SAMMSON: variants seen among roughly 807,000 people sequenced by gnomAD.
SAMMSON encodes long intergenic non-protein coding RNA 1212.
chr3:70,007,064 T>A, intron 1 of SAMMSON, among the ~76,000 whole-genome samples: 1 of 152,092 alleles, frequency 6.6e-6, no homozygotes, highest in East Asian at 1.9e-4. Flanking sequence ...ACGTTTGGGT[T>A]GGTTCCAAGT....
chr3:70,416,474 G>A (rs1293354860), intron 2 of SAMMSON, among the ~76,000 whole-genome samples: 1 of 152,132 alleles, frequency 6.6e-6, no homozygotes. Context: ...TATCTTAGCA[G>A]TGTATTACTC....
intron 6 of SAMMSON, chr3:70,283,526 T>G (rs1007175924): frequency 2.0e-5 from 3 of 152,104 alleles, no homozygotes; most frequent in African/African-American, 7.2e-5. Flanking sequence ...TAGACAGAAC[T>G]GGGTTGAAAT....
intron 6 of SAMMSON, among the ~76,000 whole-genome samples, chr3:70,267,569 ATT>A (rs147286000): frequency 9.8e-5 from 3 of 30,732 alleles, no homozygotes; most frequent in Non-Finnish European, 2.4e-4. Flanking sequence ...TGCCCGGCTA[ATT>A]TTTTGTATTT....
chr3:70,324,419 C>G (rs1702563747), intron 7 of SAMMSON, among the ~76,000 whole-genome samples: 2 of 151,484 alleles, frequency 1.3e-5, no homozygotes, highest in African/African-American at 4.9e-5. Context: ...GTTTGTCATT[C>G]TAGTCATAGG....
At chr3:70,006,442 G>A (rs1424444634) in intron 1 of SAMMSON, among the ~76,000 whole-genome samples, 1 of 152,094 alleles carries the variant, frequency 6.6e-6, no homozygotes. Flanking sequence ...TGGCGAAGCT[G>A]GATACAAAGA....
chr3:70,016,718 A>C (rs2066987498), intron 3 of SAMMSON, among the ~76,000 whole-genome samples: 2 of 152,264 alleles, frequency 1.3e-5, no homozygotes, highest in South Asian at 4.1e-4. Flanking sequence ...TTATGGTTTT[A>C]GGTCTAACAT....
intron 2 of SAMMSON, among the ~76,000 whole-genome samples, chr3:70,431,785 T>A (rs765517338): frequency 6.6e-6 from 1 of 152,030 alleles, no homozygotes; most frequent in Non-Finnish European, 1.5e-5. Context: ...CTAATTTCTA[T>A]CACAATGGAT....
intron 4 of SAMMSON, among the ~76,000 whole-genome samples, chr3:70,140,863 C>A (rs990739713): frequency 6.6e-6 from 1 of 152,100 alleles, no homozygotes; most frequent in Non-Finnish European, 1.5e-5. Context: ...ATCAGAATAG[C>A]CTTTATTGTC....
intron 3 of SAMMSON, among the ~76,000 whole-genome samples, chr3:70,051,233 T>A (rs911059006): frequency 6.6e-6 from 1 of 150,554 alleles, no homozygotes; most frequent in Admixed American, 6.6e-5. Context: ...GAATTTGGCT[T>A]TTCAAGAAAA....
intron 7 of SAMMSON, among the ~76,000 whole-genome samples, chr3:70,308,131 A>C (rs1702420244): frequency 6.6e-6 from 1 of 152,176 alleles, no homozygotes; most frequent in South Asian, 2.1e-4. Flanking sequence ...AGCTCACTGC[A>C]GCCTCAACCT....
chr3:70,121,075 TCA>T (rs1398867422), intron 4 of SAMMSON, among the ~76,000 whole-genome samples: 7 of 152,226 alleles, frequency 4.6e-5, no homozygotes, highest in African/African-American at 1.7e-4. Flanking sequence ...CATTAGATTC[TCA>T]CAAGGAGCAC....
At chr3:70,264,768 T>C (rs971886324) in intron 6 of SAMMSON, among the ~76,000 whole-genome samples, 1 of 152,188 alleles carries the variant, frequency 6.6e-6, no homozygotes, top group African/African-American at 2.4e-5. Context: ...ATGAATCTCA[T>C]GATAGGGAAA....
At chr3:70,042,951 G>A (rs2067111326) in intron 3 of SAMMSON, among the ~76,000 whole-genome samples, 1 of 152,076 alleles carries the variant, frequency 6.6e-6, no homozygotes, top group African/African-American at 2.4e-5. Context: ...AATATAAACT[G>A]TACTCAATAG....
chr3:70,125,605 T>C, intron 4 of SAMMSON: 1 of 699,710 alleles, frequency 1.4e-6, no homozygotes, highest in Non-Finnish European at 2.6e-6. Flanking sequence ...TTGTTTCTTC[T>C]CTAAATCTTT....
intron 4 of SAMMSON, chr3:70,125,562 T>C (rs1323051551): frequency 1.4e-6 from 1 of 696,800 alleles, no homozygotes; most frequent in Non-Finnish European, 2.6e-6. Context: ...TCAGCTTCAG[T>C]AACAGGTAGA....
rs191058604 is a variant in SAMMSON at position 70,135,353 on chromosome 3, A to G, written n.507+63788A>G. ...CATAAAAGTAAGTTAATGTAAATGA[A>G]ATTTATCTATTATTTCACCTATTCA... On this transcript the variant is annotated intron_variant and non_coding_transcript_variant, in intron 4 of 9. Transcript: ENST00000642114. 3.6e-3 allele frequency among the ~76,000 whole-genome samples: 554 copies of G among 152,270 alleles called. 1 individual carries two copies. The highest frequency in any genetic ancestry group is 0.012 in the African/African-American group (497 of 41,566).
chr3:70,339,481 A>G lies in SAMMSON; in HGVS notation n.740-14694A>G, dbSNP rs187743704. On this transcript the variant is annotated intron_variant and non_coding_transcript_variant, in intron 7 of 9. Transcript: ENST00000642114. ...GTCAACATGCAACCTACAGAATGGGAGAATATTTTTACAATCTACCCATCT... is the reference window on the plus strand; with the variant it reads ...GTCAACATGCAACCTACAGAATGGGGGAATATTTTTACAATCTACCCATCT... 3.3e-5 allele frequency among the ~76,000 whole-genome samples: 5 copies of G among 152,346 alleles called. No homozygotes were observed. In the East Asian group the frequency reaches 9.6e-4, roughly 29 times the overall value.
chr3:70,269,597 C>A (rs1281763414), intron 6 of SAMMSON, among the ~76,000 whole-genome samples: 1 of 152,122 alleles, frequency 6.6e-6, no homozygotes, highest in Admixed American at 6.6e-5. Context: ...AGGGGCTGCC[C>A]AGTTCTTGAC....
chr3:70,228,973 G>C (rs756484001), intron 4 of SAMMSON, among the ~76,000 whole-genome samples: 1 of 152,020 alleles, frequency 6.6e-6, no homozygotes, highest in African/African-American at 2.4e-5. Flanking sequence ...GAAGAAACAC[G>C]GAGAATACCA....
Sources: allele counts gnomAD v4.1 joint callset (sites outside exome capture counted in the v4.1 genomes callset), GRCh38; gene constraint gnomAD v4.1.1; transcripts MANE v1.5; gene names NCBI Gene and HGNC (gene_info 2026-07-23, HGNC 2026-07-21).